VWC2L: variants seen among roughly 807,000 people sequenced by gnomAD.
VWC2L encodes the protein von Willebrand factor C domain containing 2 like, also known as von Willebrand factor C domain-containing protein 2-like.
VWC2L carries 10 observed loss-of-function variants against 21.6 expected under a neutral mutation model. That is an observed-to-expected ratio of 0.46 (90% CI 0.29 to 0.78). The LOEUF is 0.78. Among genes scored for constraint, VWC2L ranks in the 30% least tolerant of loss-of-function variants. The pLI is 0.10. For synonymous variants in VWC2L, 96 were observed against 94.3 expected (o/e 1.02, Z -0.10); for missense variants, 209 against 277.1 (o/e 0.75, Z 1.74).
intron 2 of VWC2L, among the ~76,000 whole-genome samples, chr2:214,423,998 T>C (rs2126173313): frequency 6.6e-6 from 1 of 152,184 alleles, no homozygotes. Flanking sequence ...TCTCTAATTC[T>C]GTGGCATTAG....
At chr2:214,462,887 T>C (rs916883514) in intron 3 of VWC2L, among the ~76,000 whole-genome samples, 1 of 152,242 alleles carries the variant, frequency 6.6e-6, no homozygotes, top group East Asian at 1.9e-4. Context: ...TAATTTATTC[T>C]TTGAATCATA....
intron 3 of VWC2L, among the ~76,000 whole-genome samples, chr2:214,470,926 A>G (rs1182367560): frequency 2.0e-5 from 3 of 150,132 alleles, no homozygotes; most frequent in African/African-American, 7.4e-5. Context: ...CAAAAAAAAA[A>G]AAAAAAAAAA....
intron 3 of VWC2L, among the ~76,000 whole-genome samples, chr2:214,459,199 A>C (rs562908153): frequency 6.6e-6 from 1 of 152,206 alleles, no homozygotes; most frequent in African/African-American, 2.4e-5. Context: ...GTTGACTTGA[A>C]GTCTGTTGTA....
intron 3 of VWC2L, among the ~76,000 whole-genome samples, chr2:214,567,818 TTTA>T (rs1690092071): frequency 6.6e-6 from 1 of 152,158 alleles, no homozygotes; most frequent in Non-Finnish European, 1.5e-5. Flanking sequence ...ATTTCTATGT[TTTA>T]TTGTCTCACC....
chr2:214,547,970 A>G (rs1365321012), intron 3 of VWC2L, among the ~76,000 whole-genome samples: 1 of 152,212 alleles, frequency 6.6e-6, no homozygotes, highest in Admixed American at 6.5e-5. Flanking sequence ...AACTGTATGC[A>G]TTAGAGTTTT....
chr2:214,558,864 CTTT>C (rs1280164132), intron 3 of VWC2L, among the ~76,000 whole-genome samples: 1 of 148,868 alleles, frequency 6.7e-6, no homozygotes, highest in Non-Finnish European at 1.5e-5. Context: ...GCTAGTGTTT[CTTT>C]TTTTTAAATT....
rs532413155 is a variant in VWC2L, at chr2:214,482,460, C to T, written c.520+45702C>T. On this transcript the variant is annotated intron_variant, in intron 3 of 3. Coordinates refer to ENST00000312504, the MANE Select transcript of VWC2L (RefSeq NM_001080500.4). ...CAAACTGGTAAAATATATATATACACATACACACATATATACGTGTATGTA... is the reference window on the plus strand; with the variant it reads ...CAAACTGGTAAAATATATATATACATATACACACATATATACGTGTATGTA... Among the ~76,000 whole-genome samples the T allele has an allele frequency of 3.3e-5, 5 of 151,400 alleles. No homozygotes were observed. The South Asian group carries it at 1.0e-3, about 32-fold the overall frequency.
In VWC2L at chr2:214,528,088, A is replaced by G. The variant is rs372153637; in HGVS notation, c.521-47584A>G. ...TTACGAAGTGTTTTATAAACTTTGT[A>G]CTCAAAGTTCTATAACACTTTGTAA... On this transcript the variant is annotated intron_variant, in intron 3 of 3. Coordinates refer to ENST00000312504, the MANE Select transcript of VWC2L (RefSeq NM_001080500.4). Among the ~76,000 whole-genome samples the G allele has an allele frequency of 1.2e-4, 19 of 152,362 alleles. No homozygotes were observed. The East Asian group carries it at 1.7e-3, about 14-fold the overall frequency.
intron 3 of VWC2L, among the ~76,000 whole-genome samples, chr2:214,516,137 T>G (rs944458323): frequency 1.3e-5 from 2 of 152,110 alleles, no homozygotes; most frequent in African/African-American, 4.8e-5. Context: ...ACTGATAACT[T>G]GAAATTAGCC....
chr2:214,541,954 G>C (rs1474916125), intron 3 of VWC2L, among the ~76,000 whole-genome samples: 1 of 150,490 alleles, frequency 6.6e-6, no homozygotes, highest in African/African-American at 2.4e-5. Flanking sequence ...CTCTAATTCA[G>C]AATAATAAAC....
chr2:214,438,192 C>G (rs13408948), intron 3 of VWC2L, among the ~76,000 whole-genome samples: 19,489 of 151,994 alleles, frequency 0.13, 1,547 homozygotes, highest in East Asian at 0.25. Flanking sequence ...TGAGGACAGA[C>G]AGAAAGAGTT....
intron 3 of VWC2L, among the ~76,000 whole-genome samples, chr2:214,475,295 T>C (rs549761465): frequency 6.6e-6 from 1 of 152,134 alleles, no homozygotes; most frequent in East Asian, 1.9e-4. Flanking sequence ...CAAAGGTAAG[T>C]GAAGTAGGGC....
intron 3 of VWC2L, among the ~76,000 whole-genome samples, chr2:214,567,720 G>A (rs957108509): frequency 1.3e-4 from 20 of 152,024 alleles, no homozygotes; most frequent in African/African-American, 4.6e-4. Context: ...CAGAAAGATG[G>A]ACTTCTGGGA....
chr2:214,515,864 C>T (rs149920333), intron 3 of VWC2L, among the ~76,000 whole-genome samples: 8 of 152,294 alleles, frequency 5.3e-5, no homozygotes, highest in African/African-American at 1.2e-4. Context: ...AGTGAGCCAC[C>T]GTGCCCTGGC....
intron 2 of VWC2L, among the ~76,000 whole-genome samples, chr2:214,433,133 A>T (rs1471404005): frequency 6.9e-6 from 1 of 143,904 alleles, no homozygotes; most frequent in Non-Finnish European, 1.5e-5. Context: ...AATTTAAAAC[A>T]GATATATTAA....
At chr2:214,488,285 T>TA (rs1177275434) in intron 3 of VWC2L, among the ~76,000 whole-genome samples, 1 of 152,188 alleles carries the variant, frequency 6.6e-6, no homozygotes, top group Non-Finnish European at 1.5e-5. Flanking sequence ...CTTCCTATGA[T>TA]AGAGAATTCA....
chr2:214,437,321 A>G (rs1702692543), intron 3 of VWC2L, among the ~76,000 whole-genome samples: 1 of 152,188 alleles, frequency 6.6e-6, no homozygotes, highest in African/African-American at 2.4e-5. Flanking sequence ...AGTAACTGCT[A>G]TAGAGAGCAA....
chr2:214,450,471 G>A (rs1471320587), intron 3 of VWC2L, among the ~76,000 whole-genome samples: 2 of 152,156 alleles, frequency 1.3e-5, no homozygotes, highest in South Asian at 4.1e-4. Context: ...CATAATGAAT[G>A]TTACTAAAAA....
chr2:214,461,112 T>C (rs776022868), intron 3 of VWC2L, among the ~76,000 whole-genome samples: 6 of 152,230 alleles, frequency 3.9e-5, no homozygotes, highest in African/African-American at 7.2e-5. Flanking sequence ...GGAATGGGGA[T>C]GCCAGATGGG....
Sources: gnomAD v4.1 joint callset for allele counts (sites outside exome capture counted in the v4.1 genomes callset) on GRCh38, gnomAD v4.1.1 for gene constraint, MANE v1.5 for transcripts, NCBI Gene and HGNC (gene_info 2026-07-23, HGNC 2026-07-21) for gene names.